Variants in TBC1D5 observed in about 807,000 individuals in gnomAD.
TBC1D5 encodes TBC1 domain family, member 5.
In TBC1D5, 75 loss-of-function variants were observed where a neutral mutation model predicts 100.3. That is an observed-to-expected ratio of 0.75 (90% confidence interval 0.62 to 0.91). TBC1D5 has a LOEUF of 0.91. Among genes scored for constraint, TBC1D5 ranks in the 40% least tolerant of loss-of-function variants. The pLI is 0.00. For synonymous variants in TBC1D5, 323 were observed against 325.6 expected (o/e 0.99, Z 0.09); for missense variants, 910 against 942.4 (o/e 0.97, Z 0.45).
intron 17 of TBC1D5, among the ~76,000 whole-genome samples, chr3:17,228,398 T>C (rs572261492): frequency 2.0e-5 from 3 of 152,178 alleles, no homozygotes. Flanking sequence ...ATAAACCATG[T>C]CTAGTGGAAG....
At chr3:17,721,574 G>A (rs954701579) in intron 1 of TBC1D5, among the ~76,000 whole-genome samples, 5 of 151,986 alleles carry the variant, frequency 3.3e-5, no homozygotes, top group African/African-American at 1.2e-4. Flanking sequence ...TAAGTGTCAT[G>A]AAAAATGTGA....
chr3:17,667,068 G>C (rs1251858268), intron 1 of TBC1D5, among the ~76,000 whole-genome samples: 1 of 152,126 alleles, frequency 6.6e-6, no homozygotes, highest in Non-Finnish European at 1.5e-5. Context: ...AGTACAGTCA[G>C]CTACACAGAA....
Position 17,577,832 on chromosome 3 carries a change from A to G in TBC1D5, c.-36+46017T>C, listed in dbSNP as rs570083229. Among the ~76,000 whole-genome samples, 14 of 152,156 alleles carry G rather than the reference A, an allele frequency of 9.2e-5. No homozygotes were observed. The South Asian group carries it at 2.9e-3, about 32-fold the overall frequency. On this transcript the variant is annotated intron_variant, in intron 2 of 21. Transcript: ENST00000253692. ...ATTAATATGAAATTCTAAATACAGA[A>G]TAAAATGCCACATAAATAGTATAAC... is the stretch of plus-strand genomic sequence containing the variant.
At chr3:17,725,027 G>C (rs1276328735) in intron 1 of TBC1D5, among the ~76,000 whole-genome samples, 1 of 152,082 alleles carries the variant, frequency 6.6e-6, no homozygotes, top group Non-Finnish European at 1.5e-5. Flanking sequence ...GTTCCCAGCA[G>C]ATATTTTTCC....
rs867990887 is a variant in TBC1D5 at position 17,343,228 on chromosome 3, G to A, written c.995+28847C>T. ...TTTCTGCATCTATTGAGATAATCAT[G>A]TGGTTTTTGTCTTTGGTTCTGTTTA... is the stretch of plus-strand genomic sequence containing the variant. On this transcript the variant is annotated intron_variant, in intron 13 of 21. Coordinates refer to ENST00000253692, the Ensembl canonical transcript of TBC1D5. Among the ~76,000 whole-genome samples, 189 of 152,190 alleles carry A rather than the reference G, an allele frequency of 1.2e-3. No homozygotes were observed. In the Middle Eastern group the frequency reaches 0.014, roughly 11 times the overall value.
chr3:17,232,078 T>C (rs1037624155), intron 17 of TBC1D5, among the ~76,000 whole-genome samples: 1 of 152,168 alleles, frequency 6.6e-6, no homozygotes, highest in African/African-American at 2.4e-5. Context: ...AATAAACAAA[T>C]GAGATAATTC....
chr3:17,211,648 C>G (rs1381771268), intron 18 of TBC1D5, among the ~76,000 whole-genome samples: 7 of 152,160 alleles, frequency 4.6e-5, no homozygotes, highest in Non-Finnish European at 7.4e-5. Flanking sequence ...TTTTTGCCTA[C>G]CACTGACTTA....
intron 15 of TBC1D5, among the ~76,000 whole-genome samples, chr3:17,287,338 C>CT (rs1266518360): frequency 1.3e-5 from 2 of 152,156 alleles, no homozygotes; most frequent in Non-Finnish European, 2.9e-5. Flanking sequence ...GGATCCAGTC[C>CT]TAAGGCGTAA....
chr3:17,622,750 A>G (rs1268485435), intron 2 of TBC1D5: 1 of 152,152 alleles, frequency 6.6e-6, no homozygotes, highest in Admixed American at 6.5e-5. Context: ...TGGGATCTTT[A>G]CACTCCAAGC....
intron 1 of TBC1D5, among the ~76,000 whole-genome samples, chr3:17,641,586 CTTCCTCCTCCTA>C (rs887126958): frequency 1.3e-5 from 2 of 152,178 alleles, no homozygotes; most frequent in South Asian, 2.1e-4. Flanking sequence ...TGCTACGCAC[CTTCCTCCTCCTA>C]TTCCTCCTCC....
At chr3:17,654,742 T>C (rs2065897095) in intron 1 of TBC1D5, among the ~76,000 whole-genome samples, 1 of 152,228 alleles carries the variant, frequency 6.6e-6, no homozygotes, top group South Asian at 2.1e-4. Flanking sequence ...ATGGTACCAG[T>C]TCCTCCTTGT....
intron 1 of TBC1D5, among the ~76,000 whole-genome samples, chr3:17,713,029 G>A (rs2153940741): frequency 6.6e-6 from 1 of 152,124 alleles, no homozygotes; most frequent in South Asian, 2.1e-4. Context: ...AACTACCCCT[G>A]ACTTAAACCT....
At chr3:17,486,257 G>T (rs2095566340) in intron 3 of TBC1D5, among the ~76,000 whole-genome samples, 1 of 152,138 alleles carries the variant, frequency 6.6e-6, no homozygotes, top group South Asian at 2.1e-4. Flanking sequence ...CAGATGAGTA[G>T]GTTGCGAAAA....
chr3:17,459,595 T>G (rs189503847), intron 3 of TBC1D5, among the ~76,000 whole-genome samples: 1 of 152,276 alleles, frequency 6.6e-6, no homozygotes, highest in East Asian at 1.9e-4. Context: ...TTTTAAGGCA[T>G]AGGTTAATGG....
intron 3 of TBC1D5, among the ~76,000 whole-genome samples, chr3:17,455,775 T>A (rs899008649): frequency 6.6e-6 from 1 of 151,906 alleles, no homozygotes; most frequent in African/African-American, 2.4e-5. Flanking sequence ...GGAGGCAGAG[T>A]TGCAGGCAGC....
intron 17 of TBC1D5, among the ~76,000 whole-genome samples, chr3:17,235,503 G>C (rs2075784034): frequency 6.6e-6 from 1 of 152,208 alleles, no homozygotes; most frequent in Non-Finnish European, 1.5e-5. Flanking sequence ...TGTGTTCACT[G>C]ATCTATGGGA....
intron 3 of TBC1D5, among the ~76,000 whole-genome samples, chr3:17,447,566 A>G (rs1172064550): frequency 1.3e-5 from 2 of 152,206 alleles, no homozygotes; most frequent in African/African-American, 4.8e-5. Context: ...CCCACCTAAT[A>G]ATTTCTATTT....
intron 18 of TBC1D5, among the ~76,000 whole-genome samples, chr3:17,186,710 C>CAAAAAAAAAAAAAAAAAAAAAAAAAA (rs58438478): frequency 1.8e-4 from 5 of 27,280 alleles, no homozygotes; most frequent in Admixed American, 8.7e-4. Context: ...ACTCTATCTC[C>CAAAAAAAAAAAAAAAAAAAAAAAAAA]AAAAAAAAAA....
chr3:17,734,717 C>G (rs2076824074), intron 1 of TBC1D5, among the ~76,000 whole-genome samples: 1 of 152,170 alleles, frequency 6.6e-6, no homozygotes, highest in Non-Finnish European at 1.5e-5. Context: ...AAAGGCCTCT[C>G]AAATGGCTTT....
Sources: allele counts gnomAD v4.1 joint callset (sites outside exome capture counted in the v4.1 genomes callset), GRCh38; gene constraint gnomAD v4.1.1; transcripts MANE v1.5; gene names NCBI Gene and HGNC (gene_info 2026-07-23, HGNC 2026-07-21).